The following PEX14 variants were observed in gnomAD, a reference collection of about 807,000 sequenced individuals.
PEX14 encodes peroxisomal biogenesis factor 14.
A neutral mutation model predicts 49.5 loss-of-function variants in PEX14; 15 were observed. The ratio of observed to expected loss-of-function variants is 0.30; its 90% CI spans 0.20 to 0.47. The LOEUF (loss-of-function observed/expected upper bound fraction) is 0.47, where lower values mean the gene tolerates loss of function less well. PEX14 is among the 20% of genes least tolerant of loss of function. The pLI is 1.00. For missense variants in PEX14, 398 were observed against 494.8 expected, an observed-to-expected ratio of 0.80 and a Z score of 1.86; for synonymous variants, 210 against 212.7, an observed-to-expected ratio of 0.99 and a Z score of 0.11.
At position 10,585,891 on chromosome 1, in the gene PEX14, G is replaced by C. The variant is rs61776264; in HGVS notation, c.170-13347G>C. ...AGCCTGGGCGACAGAGCGAGACTCCGTCTCAAAACAAATAAAAAAAAGTGA... is the reference window on the plus strand; with the variant it reads ...AGCCTGGGCGACAGAGCGAGACTCCCTCTCAAAACAAATAAAAAAAAGTGA... On this transcript the variant is annotated intron_variant, in intron 3 of 8. Coordinates refer to ENST00000356607, the MANE Select transcript of PEX14 (RefSeq NM_004565.3). Among the ~76,000 whole-genome samples the C allele has an allele frequency of 5.1e-3, 775 of 152,284 alleles. 4 individuals are homozygous for C. The highest frequency in any genetic ancestry group is 8.1e-3 in the Non-Finnish European group (553 of 68,028).
chr1:10,630,292 C>G lies in PEX14; in HGVS notation c.*305C>G, dbSNP rs906021897. 3.9e-6 allele frequency: 2 copies of G among 513,538 alleles called. No individual in the cohort carries two copies. The highest frequency in any genetic ancestry group is 7.0e-6 in the Non-Finnish European group (2 of 285,740). The allele number at this position is 513,538 out of a possible 1,614,324, so 31.8% of individuals were successfully genotyped here. ...GGCCCAAGCCCCTCCCCAGCCCCCT[C>G]TCCCGGACAGACGCCTTGCCCAGGG... is the stretch of plus-strand genomic sequence containing the variant. On this transcript the variant is annotated 3_prime_UTR_variant, in exon 9 of 9. Transcript: ENST00000356607. This position sits in a 1 kb window ranked among gnomAD's most constrained non-coding sequence, Gnocchi z 4.1.
chr1:10,490,942 G>A (rs2124393023), intron 1 of PEX14, among the ~76,000 whole-genome samples: 2 of 151,258 alleles, frequency 1.3e-5, no homozygotes, highest in South Asian at 4.2e-4. Context: ...GGGCCCAAGC[G>A]ATCCTCCCAC....
At chr1:10,485,526 G>A (rs781345297) in intron 1 of PEX14, among the ~76,000 whole-genome samples, 62 of 150,996 alleles carry the variant, frequency 4.1e-4, no homozygotes, top group Non-Finnish European at 5.6e-4. Context: ...GCTGTGTTGC[G>A]CAGGCTGGTC....
chr1:10,490,955 C>T (rs565047992), intron 1 of PEX14, among the ~76,000 whole-genome samples: 64 of 151,028 alleles, frequency 4.2e-4, no homozygotes, highest in Middle Eastern at 3.4e-3. Context: ...CCTCCCACAT[C>T]GGCCTCCCAA....
chr1:10,532,828 G>GCCT (rs1205485498), intron 2 of PEX14, among the ~76,000 whole-genome samples: 1 of 152,180 alleles, frequency 6.6e-6, no homozygotes, highest in East Asian at 1.9e-4. Context: ...TGTGTGTTGG[G>GCCT]CCTCTGCAGA....
At chr1:10,600,163 T>TA (rs1640942229) in intron 4 of PEX14, among the ~76,000 whole-genome samples, 1 of 152,270 alleles carries the variant, frequency 6.6e-6, no homozygotes, top group Non-Finnish European at 1.5e-5. Context: ...CTCACGCCTC[T>TA]AATCCCTGCA....
chr1:10,621,050 C>T (rs930338141), intron 5 of PEX14, among the ~76,000 whole-genome samples: 1 of 152,218 alleles, frequency 6.6e-6, no homozygotes, highest in Non-Finnish European at 1.5e-5. Context: ...TTAGCGTGGG[C>T]ACTCACACGG....
intron 3 of PEX14, among the ~76,000 whole-genome samples, chr1:10,568,338 C>T (rs867267793): frequency 1.2e-5 from 1 of 81,766 alleles, no homozygotes; most frequent in Non-Finnish European, 2.7e-5. Context: ...CCCCCCCCCC[C>T]ACTCCCACTA....
At chr1:10,581,570 C>T (rs891996995) in intron 3 of PEX14, among the ~76,000 whole-genome samples, 3 of 151,692 alleles carry the variant, frequency 2.0e-5, no homozygotes, top group African/African-American at 7.3e-5. Flanking sequence ...TCCCAAAGTG[C>T]TGGGATTACA....
chr1:10,554,506 C>G (rs1361389649), intron 3 of PEX14, among the ~76,000 whole-genome samples: 1 of 152,100 alleles, frequency 6.6e-6, no homozygotes, highest in African/African-American at 2.4e-5. Context: ...GGCATTTTCG[C>G]TTCTTGAAGC....
chr1:10,596,254 A>G lies in PEX14; in HGVS notation c.170-2984A>G, dbSNP rs1187407921. Among the ~76,000 whole-genome samples the G allele has an allele frequency of 3.3e-5, 5 of 152,354 alleles. No homozygotes were observed. The South Asian group carries it at 1.0e-3, about 32-fold the overall frequency. The stretch of plus-strand genomic sequence containing the variant: ...GGTGGGGACATTCCAGAGGAAGATG[A>G]CACTCAAGGAAGCCTATGACAGGCA... On this transcript the variant is annotated intron_variant, in intron 3 of 8. Coordinates refer to ENST00000356607, the MANE Select transcript of PEX14 (RefSeq NM_004565.3).
rs1453146872 is a variant in PEX14, at chr1:10,587,920, T to TTAAA, written c.170-11318_170-11317insTAAA. ...CTTTTTTTTTTTTTTTTTTTTTTTTTAAAAAAAAAAGAGATGGAGTCTTGG... is the reference window on the plus strand; with the variant it reads ...CTTTTTTTTTTTTTTTTTTTTTTTTTTAAAAAAAAAAAAAGAGATGGAGTCTTGG... On this transcript the variant is annotated intron_variant, in intron 3 of 8. Transcript: ENST00000356607. Among the ~76,000 whole-genome samples, 4 of 64,074 alleles carry TTAAA rather than the reference T, an allele frequency of 6.2e-5. No homozygotes were observed. The South Asian group carries it at 2.3e-3, about 37-fold the overall frequency. 42.0% of individuals were successfully genotyped at this position (64,074 alleles called of 152,430 possible).
chr1:10,497,194 T>C (rs662064), intron 2 of PEX14, among the ~76,000 whole-genome samples: 101,549 of 151,968 alleles, frequency 0.67, 34,230 homozygotes, highest in East Asian at 0.8. Flanking sequence ...GGGCACCAGC[T>C]GAGTCGCGTG....
At chr1:10,519,098 C>T (rs147078702) in intron 2 of PEX14, among the ~76,000 whole-genome samples, 90 of 152,232 alleles carry the variant, frequency 5.9e-4, no homozygotes, top group African/African-American at 2.1e-3. Context: ...ATTTCAAAAG[C>T]GGAATTCAGA....
chr1:10,623,514 G>A lies in PEX14; in HGVS notation c.487+393G>A, dbSNP rs1464640073. ...GGTCAAGAGAGTCTGTAATTACTGT[G>A]GCTCCCGGGACCCCAGCCACCTCCC... On this transcript the variant is annotated intron_variant, in intron 6 of 8. Transcript: ENST00000356607. The surrounding 1 kb of genome is among the most constrained non-coding windows in gnomAD (Gnocchi z 4.4). Among the ~76,000 whole-genome samples, 1 of 152,010 alleles carries A rather than the reference G, an allele frequency of 6.6e-6. No homozygotes were observed. Among genetic ancestry groups the A allele is most frequent in the Admixed American group, 6.6e-5 (1 of 15,252 alleles).
intron 3 of PEX14, among the ~76,000 whole-genome samples, chr1:10,552,451 A>T (rs1639363528): frequency 6.6e-6 from 1 of 152,170 alleles, no homozygotes; most frequent in Admixed American, 6.5e-5. Flanking sequence ...CAAAAAAAAA[A>T]TCTGCTTTTT....
At position 10,512,821 on chromosome 1, in the gene PEX14, C is replaced by CT. The variant is rs1382778897; in HGVS notation, c.84+17501dup. ...TCAAGCGATTCCCTGCCTCAGCCTC[C>CT]TGAGTAGCTGGGACTACAGGCGTGT... On this transcript the variant is annotated intron_variant, in intron 2 of 8. Coordinates refer to ENST00000356607, the MANE Select transcript of PEX14 (RefSeq NM_004565.3). This position sits in a 1 kb window ranked among gnomAD's most constrained non-coding sequence, Gnocchi z 4.6. 6.6e-6 allele frequency among the ~76,000 whole-genome samples: 1 copy of CT among 152,162 alleles called. No homozygotes were observed. The highest frequency in any genetic ancestry group is 2.4e-5 in the African/African-American group (1 of 41,436).
At chr1:10,497,752 A>G (rs530549608) in intron 2 of PEX14, among the ~76,000 whole-genome samples, 4 of 152,262 alleles carry the variant, frequency 2.6e-5, no homozygotes, top group East Asian at 1.9e-4. Flanking sequence ...GAGGAATGGG[A>G]TATTTCAGTG....
At position 10,508,802 on chromosome 1, in the gene PEX14, G is replaced by A. The variant is rs751730405; in HGVS notation, c.84+13481G>A. Among the ~76,000 whole-genome samples the A allele has an allele frequency of 3.3e-5, 5 of 152,232 alleles. No individual in the cohort carries two copies. The South Asian group carries it at 8.3e-4, about 25-fold the overall frequency. On this transcript the variant is annotated intron_variant, in intron 2 of 8. Coordinates refer to ENST00000356607, the MANE Select transcript of PEX14 (RefSeq NM_004565.3). Reference sequence around the variant, plus strand: ...GCCTTGACTCCACTGAGGGAGGAGCGGGTGACCTAGGGCCACTTTCTTGTG... The same window carrying A: ...GCCTTGACTCCACTGAGGGAGGAGCAGGTGACCTAGGGCCACTTTCTTGTG...
Sources: gnomAD v4.1 joint callset for allele counts (sites outside exome capture counted in the v4.1 genomes callset) on GRCh38, gnomAD v4.1.1 for gene constraint, Gnocchi (gnomAD v3.1) non-coding constraint, MANE v1.5 for transcripts, NCBI Gene and HGNC (gene_info 2026-07-23, HGNC 2026-07-21) for gene names.